CDC5L: variants seen among roughly 807,000 people sequenced by gnomAD.
The protein encoded by CDC5L is cell division cycle 5-like protein.
Under a neutral mutation model 104.1 loss-of-function variants are expected in CDC5L, and 18 were observed. The ratio of observed to expected loss-of-function variants is 0.17; its 90% confidence interval spans 0.12 to 0.26. The LOEUF (loss-of-function observed/expected upper bound fraction) is 0.26, where lower values mean the gene tolerates loss of function less well. Ranked by LOEUF, CDC5L falls within the 10% of genes least tolerant of loss-of-function variation. The probability of loss-of-function intolerance (pLI) is 1.00; values close to 1 mark genes in which losing one functional copy is unlikely to be tolerated. For missense variants in CDC5L, 673 were observed against 956.9 expected (o/e 0.70, Z 3.91); for synonymous variants, 331 against 322.7 (o/e 1.03, Z -0.28).
chr6:44,407,640 T>G (rs1271613874), intron 7 of CDC5L, among the ~76,000 whole-genome samples: 1 of 152,116 alleles, frequency 6.6e-6, no homozygotes, highest in Non-Finnish European at 1.5e-5. Context: ...CTAACCCTTT[T>G]TTTTGTCTGT....
At chr6:44,403,748 G>T in intron 5 of CDC5L, 61 bp from the exon 6 acceptor site, 1 of 1,146,550 alleles carries the variant, frequency 8.7e-7, no homozygotes. Context: ...TTAACTGTAT[G>T]GGATAATTTA....
intron 8 of CDC5L, among the ~76,000 whole-genome samples, chr6:44,415,503 TC>T (rs1243217220): frequency 1.3e-5 from 2 of 152,194 alleles, no homozygotes; most frequent in Non-Finnish European, 2.9e-5. Context: ...TGTGTGGCAC[TC>T]CCTGGTGTCA....
At chr6:44,427,606 T>C (rs1348247921) in intron 13 of CDC5L, among the ~76,000 whole-genome samples, 1 of 152,176 alleles carries the variant, frequency 6.6e-6, no homozygotes, top group Non-Finnish European at 1.5e-5. Flanking sequence ...TTTTAGAAAA[T>C]AGAGAAAGGA....
intron 14 of CDC5L, among the ~76,000 whole-genome samples, chr6:44,445,245 G>T (rs1793393719): frequency 6.6e-6 from 1 of 151,758 alleles, no homozygotes; most frequent in Non-Finnish European, 1.5e-5. Flanking sequence ...TAAAAGTTGG[G>T]GTCTTGATGT....
chr6:44,406,995 C>T (rs1791399654), intron 7 of CDC5L, among the ~76,000 whole-genome samples: 1 of 152,180 alleles, frequency 6.6e-6, no homozygotes, highest in Non-Finnish European at 1.5e-5. Flanking sequence ...GCTTCAGCTT[C>T]TCTGTATAAA....
chr6:44,402,633 A>C (rs1366586449), intron 5 of CDC5L, among the ~76,000 whole-genome samples: 1 of 152,186 alleles, frequency 6.6e-6, no homozygotes, highest in Non-Finnish European at 1.5e-5. Flanking sequence ...GGAAGATGCA[A>C]AGAAAAAAAG....
chr6:44,391,541 C>T lies in CDC5L; in HGVS notation c.150-1126C>T, dbSNP rs539213122. Among the ~76,000 whole-genome samples, 13 of 152,154 alleles carry T rather than the reference C, an allele frequency of 8.5e-5. No individual in the cohort carries two copies. The East Asian group carries it at 2.1e-3, about 25-fold the overall frequency. On this transcript the variant is annotated intron_variant, in intron 2 of 15. Transcript: ENST00000371477. The stretch of plus-strand genomic sequence containing the variant: ...GGGATTACAGGCGTGAGCCACCGCG[C>T]CCGGCTGGTGTCACCTCTTAAATCA...
rs1561983644 is a variant in CDC5L, at chr6:44,449,227, A to G, written c.*2516A>G. ...CAAAATTTCAAAACTGGCACATTGT[A>G]AACTGCATATGCATTTGCCAGGTAG... On this transcript the variant is annotated 3_prime_UTR_variant, in exon 16 of 16. Coordinates refer to ENST00000371477, the MANE Select transcript of CDC5L (RefSeq NM_001253.4). The G allele has an allele frequency of 6.6e-6, 1 of 152,250 alleles. No individual in the cohort carries two copies. The highest frequency in any genetic ancestry group is 6.5e-5 in the Admixed American group (1 of 15,286). 9.4% of individuals were successfully genotyped at this position (152,250 alleles called of 1,614,324 possible). A position where few individuals can be genotyped will look rare whatever the true frequency, so the allele number is the denominator to read the frequency against.
chr6:44,400,671 C>T (rs966343697), intron 5 of CDC5L, among the ~76,000 whole-genome samples: 10 of 152,198 alleles, frequency 6.6e-5, no homozygotes, highest in Non-Finnish European at 1.3e-4. Context: ...CATGAGCCAG[C>T]GTGTCTGGCC....
intron 9 of CDC5L, among the ~76,000 whole-genome samples, chr6:44,422,366 A>G (rs1043323895): frequency 1.3e-5 from 2 of 152,208 alleles, no homozygotes; most frequent in Non-Finnish European, 2.9e-5. Context: ...CTAATGTGCC[A>G]AGAAAAGGTT....
intron 8 of CDC5L, among the ~76,000 whole-genome samples, chr6:44,418,338 A>G (rs1791997108): frequency 6.6e-6 from 1 of 152,170 alleles, no homozygotes; most frequent in Admixed American, 6.5e-5. Context: ...ATCATTTTTT[A>G]TGGCTGCATA....
At chr6:44,407,073 G>A (rs1791403735) in intron 7 of CDC5L, among the ~76,000 whole-genome samples, 1 of 152,144 alleles carries the variant, frequency 6.6e-6, no homozygotes, top group African/African-American at 2.4e-5. Flanking sequence ...TTAACATTTT[G>A]TCAACAGGGT....
chr6:44,390,236 G>T, intron 1 of CDC5L, 32 bp from the exon 2 acceptor site: 1 of 1,407,722 alleles, frequency 7.1e-7, no homozygotes, highest in South Asian at 1.2e-5. Context: ...GGAGTTTTGT[G>T]ACTGAATGTA....
intron 4 of CDC5L, among the ~76,000 whole-genome samples, chr6:44,393,981 A>C (rs1790738029): frequency 6.6e-6 from 1 of 152,192 alleles, no homozygotes. Context: ...TTCTGTCAGC[A>C]GTGTTCTTAT....
rs535105920 is a variant in CDC5L at position 44,421,663 on chromosome 6, C to A, written c.1242-984C>A. ...ATTCCAAAAAACTCAAACAGTACAA[C>A]AATAACAAATAACACAAATAAAAAT... On this transcript the variant is annotated intron_variant, in intron 9 of 15. Transcript: ENST00000371477. Among the ~76,000 whole-genome samples the A allele has an allele frequency of 3.9e-5, 6 of 152,240 alleles. No homozygotes were observed. In the East Asian group the frequency reaches 1.2e-3, roughly 29 times the overall value.
intron 14 of CDC5L, among the ~76,000 whole-genome samples, chr6:44,432,018 A>G (rs1174779499): frequency 6.6e-6 from 1 of 152,212 alleles, no homozygotes; most frequent in Non-Finnish European, 1.5e-5. Context: ...TACTTAATCA[A>G]GTCCTTTAAT....
chr6:44,388,517 A>T (rs1486137363), intron 1 of CDC5L, among the ~76,000 whole-genome samples: 1 of 152,142 alleles, frequency 6.6e-6, no homozygotes, highest in Non-Finnish European at 1.5e-5. Context: ...AACGTAGTGG[A>T]TAGTGCCATT....
chr6:44,446,779 G>A lies in CDC5L; in HGVS notation c.*68G>A. ...TTTCATACTCTAGAAGGCTGAAACT[G>A]ATGTTTATCTTCATTGACAAATTTA... On this transcript the variant is annotated 3_prime_UTR_variant, in exon 16 of 16. Transcript: ENST00000371477. 1 of 745,782 alleles carries A rather than the reference G, an allele frequency of 1.3e-6. No individual in the cohort carries two copies. The highest frequency in any genetic ancestry group is 1.8e-5 in the South Asian group (1 of 55,910). 46.2% of individuals were successfully genotyped at this position (745,782 alleles called of 1,614,324 possible). A position where few individuals can be genotyped will look rare whatever the true frequency, so the allele number is the denominator to read the frequency against.
At chr6:44,388,144 A>ACCCCCCCCCCCCC (rs1790424578) in intron 1 of CDC5L, among the ~76,000 whole-genome samples, 2 of 44,866 alleles carry the variant, frequency 4.5e-5, no homozygotes, top group African/African-American at 9.5e-5. Context: ...GCCCCCTCCC[A>ACCCCCCCCCCCCC]CCCCGCCCCC....
Sources: allele counts gnomAD v4.1 joint callset (sites outside exome capture counted in the v4.1 genomes callset), GRCh38; gene constraint gnomAD v4.1.1; transcripts MANE v1.5; gene names NCBI Gene and HGNC (gene_info 2026-07-23, HGNC 2026-07-21).